TRIM59: variants seen among roughly 807,000 people sequenced by gnomAD.
The protein encoded by TRIM59 is tripartite motif containing 59.
In TRIM59, 14 loss-of-function variants were observed where a neutral mutation model predicts 32.2. That is an observed-to-expected ratio of 0.43 (90% CI 0.29 to 0.68). TRIM59 has a LOEUF of 0.68. Ranked by LOEUF, TRIM59 falls within the 30% of genes least tolerant of loss-of-function variation. TRIM59 has a pLI of 0.15. For missense variants in TRIM59, 471 were observed against 463.3 expected, an observed-to-expected ratio of 1.02 and a Z score of -0.15; for synonymous variants, 163 against 155.1, an observed-to-expected ratio of 1.05 and a Z score of -0.38.
chr3:160,445,956 A>G (rs184903719), intron 2 of TRIM59, among the ~76,000 whole-genome samples: 3 of 152,020 alleles, frequency 2.0e-5, no homozygotes, highest in Admixed American at 2.0e-4. Flanking sequence ...TGATAGGTGC[A>G]TGTTAACACA....
rs574585666 is a variant in TRIM59 at position 160,436,126 on chromosome 3, T to C, written c.*1846A>G. On this transcript the variant is annotated 3_prime_UTR_variant, in exon 3 of 3. Coordinates refer to ENST00000309784, the MANE Select transcript of TRIM59 (RefSeq NM_173084.3). The stretch of plus-strand genomic sequence containing the variant: ...GTTCTTTGCCCACACAATAGTTAAT[T>C]GTGCTAGGTATAAGTCTGATTCTAA... 2.8e-6 allele frequency: 3 copies of C among 1,088,198 alleles called. No homozygotes were observed. Among genetic ancestry groups the C allele is most frequent in the African/African-American group, 3.3e-5 (2 of 59,740 alleles). The allele number at this position is 1,088,198 out of a possible 1,614,324, so 67.4% of individuals were successfully genotyped here. A position where few individuals can be genotyped will look rare whatever the true frequency, so the allele number is the denominator to read the frequency against.
At chr3:160,445,773 CAAAAAA>C (rs75175042) in intron 2 of TRIM59, among the ~76,000 whole-genome samples, 1 of 90,898 alleles carries the variant, frequency 1.1e-5, no homozygotes, top group Non-Finnish European at 2.2e-5. Flanking sequence ...GACTCTGTCT[CAAAAAA>C]AAAAAAAAAA....
At chr3:160,442,000 G>A (rs898676331) in intron 2 of TRIM59, among the ~76,000 whole-genome samples, 1 of 152,110 alleles carries the variant, frequency 6.6e-6, no homozygotes, top group Non-Finnish European at 1.5e-5. Flanking sequence ...AAGTCATACA[G>A]AAACCACCCA....
Position 160,437,620 on chromosome 3 carries a change from TATA to T in TRIM59, c.*349_*351del, listed in dbSNP as rs1311096537. The T allele has an allele frequency of 1.0e-6, 1 of 991,228 alleles. No homozygotes were observed. Among genetic ancestry groups the T allele is most frequent in the East Asian group, 1.1e-4 (1 of 9,246 alleles). The allele number at this position is 991,228 out of a possible 1,614,324, so 61.4% of individuals were successfully genotyped here. On this transcript the variant is annotated 3_prime_UTR_variant, in exon 3 of 3. Transcript: ENST00000309784. ...TGTTCTTTCAGGATTTTGCTATATA[TATA>T]AAGAACTGTAAAGCCAATTAACTGC...
At chr3:160,448,251 G>C (rs1719636785) in intron 2 of TRIM59, among the ~76,000 whole-genome samples, 1 of 152,150 alleles carries the variant, frequency 6.6e-6, no homozygotes, top group South Asian at 2.1e-4. Flanking sequence ...AATATATCTG[G>C]TGGGAAATAT....
intron 2 of TRIM59, 115 bp downstream of exon 2, chr3:160,448,611 C>A: frequency 1.8e-6 from 1 of 559,462 alleles, no homozygotes; most frequent in Admixed American, 3.1e-5. Flanking sequence ...GTTTTATACA[C>A]CGCCAACACA....
chr3:160,444,615 A>T (rs1719426950), intron 2 of TRIM59, among the ~76,000 whole-genome samples: 1 of 152,188 alleles, frequency 6.6e-6, no homozygotes, highest in Non-Finnish European at 1.5e-5. Context: ...GGGCCATGTG[A>T]CTGTTCTGAC....
rs1190136685 is a variant in TRIM59 at position 160,438,873 on chromosome 3, G to A, written c.311C>T (p.Pro104Leu). Reference protein sequence around the residue: ...IVTCPEHYRQPLNVYCLLDKK... With the variant: ...IVTCPEHYRQLLNVYCLLDKK... ...ATCTAATAGACAGTAAACATTTAAT[G>A]GTTGCCTGTAATGTTCAGGGCAGGT... Residue 104 changes from proline to leucine, a missense_variant, in exon 3 of 3, where the codon CCA becomes CTA. Transcript: ENST00000309784. The A allele has an allele frequency of 7.7e-5, 125 of 1,613,856 alleles. No individual in the cohort carries two copies. Among genetic ancestry groups the A allele is most frequent in the Non-Finnish European group, 1.0e-4 (121 of 1,179,918 alleles).
intron 2 of TRIM59, 42 bp downstream of exon 2, chr3:160,448,684 T>G (rs952851996): frequency 1.8e-6 from 2 of 1,134,044 alleles, no homozygotes; most frequent in African/African-American, 3.2e-5. Flanking sequence ...CTGTAAAAAC[T>G]TAATTGTTTT....
Position 160,438,398 on chromosome 3 carries a change from C to T in TRIM59, c.786G>A (p.Gln262=). The T allele has an allele frequency of 2.5e-6, 4 of 1,613,916 alleles. No homozygotes were observed. Among genetic ancestry groups the T allele is most frequent in the Non-Finnish European group, 2.5e-6 (3 of 1,179,972 alleles). The change falls in exon 3 of 3, where the codon CAG becomes CAA. Residue 262 remains glutamine (Q), a synonymous_variant. Coordinates refer to ENST00000309784, the MANE Select transcript of TRIM59 (RefSeq NM_173084.3). ...EKVDDVRQHV[Q]ILKQRPLPEV... is the part of the protein sequence containing the mutation. ...CAGGAAGTGGTCTTTGTTTCAAGAT[C>T]TGTACATGCTGGCGTACATCATCAA...
At chr3:160,443,969 T>C (rs934571322) in intron 2 of TRIM59, among the ~76,000 whole-genome samples, 9 of 152,142 alleles carry the variant, frequency 5.9e-5, no homozygotes, top group Non-Finnish European at 5.9e-5. Flanking sequence ...CAGAAATGCT[T>C]CATGTATATG....
At chr3:160,443,728 CT>C (rs1164897681) in intron 2 of TRIM59, among the ~76,000 whole-genome samples, 1 of 152,122 alleles carries the variant, frequency 6.6e-6, no homozygotes, top group African/African-American at 2.4e-5. Flanking sequence ...CAAGCTCCGC[CT>C]CCTGGGTTCA....
chr3:160,448,057 G>A (rs1436435039), intron 2 of TRIM59, among the ~76,000 whole-genome samples: 1 of 152,162 alleles, frequency 6.6e-6, no homozygotes, highest in South Asian at 2.1e-4. Context: ...ATGGTCAGCT[G>A]ATTTTAAATC....
intron 2 of TRIM59, 86 bp from the exon 3 acceptor site, chr3:160,439,272 T>TA: frequency 1.8e-6 from 2 of 1,102,712 alleles, no homozygotes; most frequent in Non-Finnish European, 2.5e-6. Flanking sequence ...TCCAAATTGT[T>TA]ACCATACTGC....
chr3:160,449,487 G>A (rs1719707176), intron 1 of TRIM59: 1 of 1,199,194 alleles, frequency 8.3e-7, no homozygotes, highest in Non-Finnish European at 1.1e-6. Context: ...CCACCACAGA[G>A]GGCCTCCTCC....
chr3:160,438,632 A>G lies in TRIM59; in HGVS notation c.552T>C (p.Ala184=). The change falls in exon 3 of 3, where the codon GCT becomes GCC. Residue 184 remains alanine (A), a synonymous_variant. Coordinates refer to ENST00000309784, the MANE Select transcript of TRIM59 (RefSeq NM_173084.3). ...SEKMIQGDKE[A]VLQYFKELND... is the part of the protein sequence containing the mutation. ...TAAGCTCCTTAAAATACTGGAGAAC[A>G]GCTTCCTTATCGCCTTGGATCATTT... is the stretch of plus-strand genomic sequence containing the variant. The G allele has an allele frequency of 1.9e-6, 3 of 1,612,588 alleles. No homozygotes were observed. The highest frequency in any genetic ancestry group is 2.5e-6 in the Non-Finnish European group (3 of 1,179,636).
rs1307287097 is a variant in TRIM59, at chr3:160,436,871, G to A, written c.*1101C>T. On this transcript the variant is annotated 3_prime_UTR_variant, in exon 3 of 3. Transcript: ENST00000309784. ...TGCATTAGCTTAAGGGAATGTGGTA[G>A]AAAATTTAAATGAGTTAAGATGAAT... 4 of 950,798 alleles carry A rather than the reference G, an allele frequency of 4.2e-6. No homozygotes were observed. Among genetic ancestry groups the A allele is most frequent in the Non-Finnish European group, 5.0e-6 (4 of 802,964 alleles). 58.9% of individuals were successfully genotyped at this position (950,798 alleles called of 1,614,324 possible). A position where few individuals can be genotyped will look rare whatever the true frequency, so the allele number is the denominator to read the frequency against.
Position 160,438,100 on chromosome 3 carries a change from T to G in TRIM59, c.1084A>C (p.Ile362Leu). 3 of 1,612,846 alleles carry G rather than the reference T, an allele frequency of 1.9e-6. No homozygotes were observed. Among genetic ancestry groups the G allele is most frequent in the Non-Finnish European group, 2.5e-6 (3 of 1,179,656 alleles). The change falls in exon 3 of 3, where the codon ATA becomes CTA. Residue 362 changes from isoleucine to leucine, a missense_variant. Transcript: ENST00000309784. ...GATAGAGAGGCTTCAGAAAACCATA[T>G]TAAAGTGATTTCACTTAAAAAGGTT... The part of the protein sequence containing the change: ...IITFLSEITL[I>L]WFSEASLSVY...
chr3:160,437,090 G>C lies in TRIM59; in HGVS notation c.*882C>G, dbSNP rs1252128383. 1.0e-6 allele frequency: 1 copy of C among 983,288 alleles called. No homozygotes were observed. Among genetic ancestry groups the C allele is most frequent in the Non-Finnish European group, 1.2e-6 (1 of 828,156 alleles). 60.9% of individuals were successfully genotyped at this position (983,288 alleles called of 1,614,324 possible). A position where few individuals can be genotyped will look rare whatever the true frequency, so the allele number is the denominator to read the frequency against. ...GGCCCCCAGGCACAGTGTGGCTAAC[G>C]TCTGTAATCCCAGCACTTTGGGAGG... On this transcript the variant is annotated 3_prime_UTR_variant, in exon 3 of 3. Coordinates refer to ENST00000309784, the MANE Select transcript of TRIM59 (RefSeq NM_173084.3).
Sources: gnomAD v4.1 joint callset for allele counts (sites outside exome capture counted in the v4.1 genomes callset) on GRCh38, gnomAD v4.1.1 for gene constraint, MANE v1.5 for transcripts, NCBI Gene and HGNC (gene_info 2026-07-23, HGNC 2026-07-21) for gene names.